Variants in SPIDR observed in about 807,000 individuals in gnomAD.
The protein encoded by SPIDR is scaffold protein involved in DNA repair, also known as DNA repair-scaffolding protein.
In SPIDR, 93 loss-of-function variants were observed where a neutral mutation model predicts 104.6. The observed-to-expected ratio is 0.89, with a 90% confidence interval of 0.75 to 1.06. The LOEUF (loss-of-function observed/expected upper bound fraction) is 1.06. Ranked by LOEUF, SPIDR falls within the 50% of genes least tolerant of loss-of-function variation. The pLI is 0.00. For synonymous variants in SPIDR, 431 were observed against 416.9 expected (o/e 1.03, Z -0.41); for missense variants, 1,154 against 1,111.2 (o/e 1.04, Z -0.55).
chr8:47,648,891 G>A (rs1010449058), intron 10 of SPIDR, among the ~76,000 whole-genome samples: 2 of 152,088 alleles, frequency 1.3e-5, no homozygotes, highest in South Asian at 4.1e-4. Flanking sequence ...TTAAGAAAAT[G>A]AATGAATTGG....
intron 5 of SPIDR, among the ~76,000 whole-genome samples, chr8:47,319,790 A>G (rs2046170619): frequency 6.6e-6 from 1 of 152,280 alleles, no homozygotes; most frequent in Non-Finnish European, 1.5e-5. Flanking sequence ...GGATTAAGAA[A>G]CTCACTCAAA....
At chr8:47,433,180 T>A (rs1209480625) in intron 7 of SPIDR, among the ~76,000 whole-genome samples, 1 of 152,176 alleles carries the variant, frequency 6.6e-6, no homozygotes, top group East Asian at 1.9e-4. Flanking sequence ...CTATTGGCTC[T>A]ACCTTCAAAG....
At chr8:47,554,096 G>T (rs967109746) in intron 8 of SPIDR, among the ~76,000 whole-genome samples, 2 of 152,264 alleles carry the variant, frequency 1.3e-5, no homozygotes, top group Admixed American at 6.5e-5. Flanking sequence ...GTTGCTGCCT[G>T]ATCCTTCCTC....
At chr8:47,514,146 T>C (rs1210203703) in intron 8 of SPIDR, among the ~76,000 whole-genome samples, 1 of 152,176 alleles carries the variant, frequency 6.6e-6, no homozygotes, top group Non-Finnish European at 1.5e-5. Flanking sequence ...AAAACTAGCA[T>C]TTGTTGCCTT....
intron 8 of SPIDR, among the ~76,000 whole-genome samples, chr8:47,591,912 T>C (rs550263926): frequency 1.3e-4 from 20 of 152,306 alleles, no homozygotes; most frequent in African/African-American, 4.8e-4. Context: ...GCACTGCTTT[T>C]AAACGTTTCA....
chr8:47,333,351 G>T (rs2049104407), intron 5 of SPIDR, among the ~76,000 whole-genome samples: 1 of 152,048 alleles, frequency 6.6e-6, no homozygotes, highest in Non-Finnish European at 1.5e-5. Context: ...ACCCAGTCTG[G>T]AATGCAGTGG....
chr8:47,280,346 G>A (rs2037490093), intron 2 of SPIDR, among the ~76,000 whole-genome samples: 2 of 150,846 alleles, frequency 1.3e-5, no homozygotes, highest in Non-Finnish European at 2.9e-5. Flanking sequence ...TCTTGCCTCA[G>A]CGTGTCAAAT....
intron 8 of SPIDR, among the ~76,000 whole-genome samples, chr8:47,509,840 C>T (rs138151406): frequency 2.0e-5 from 3 of 152,144 alleles, no homozygotes; most frequent in African/African-American, 7.2e-5. Context: ...TGTGTGCATG[C>T]GTATAATATG....
chr8:47,693,105 G>A (rs146025598), intron 11 of SPIDR, among the ~76,000 whole-genome samples: 1 of 152,144 alleles, frequency 6.6e-6, no homozygotes, highest in Non-Finnish European at 1.5e-5. Context: ...TGGGCTATTT[G>A]TTGCTGTCTG....
At chr8:47,421,888 A>T (rs2065540978) in intron 7 of SPIDR, among the ~76,000 whole-genome samples, 1 of 152,176 alleles carries the variant, frequency 6.6e-6, no homozygotes, top group South Asian at 2.1e-4. Context: ...CCAGACCCTG[A>T]TTGCCTGGGT....
intron 5 of SPIDR, among the ~76,000 whole-genome samples, chr8:47,298,075 C>A (rs1197283912): frequency 6.6e-6 from 1 of 152,194 alleles, no homozygotes; most frequent in African/African-American, 2.4e-5. Context: ...CTCCCACCAA[C>A]AGTGTAAAAG....
intron 5 of SPIDR, among the ~76,000 whole-genome samples, chr8:47,304,600 C>T (rs2042811639): frequency 6.6e-6 from 1 of 152,178 alleles, no homozygotes; most frequent in African/African-American, 2.4e-5. Flanking sequence ...TCCTCCTCCC[C>T]CTGCTTTCAC....
intron 1 of SPIDR, among the ~76,000 whole-genome samples, chr8:47,268,313 T>C (rs2034516401): frequency 6.6e-6 from 1 of 152,204 alleles, no homozygotes; most frequent in African/African-American, 2.4e-5. Flanking sequence ...TTTAACTGTT[T>C]TGGGTTCATT....
intron 8 of SPIDR, among the ~76,000 whole-genome samples, chr8:47,584,295 G>T (rs2060043595): frequency 6.6e-6 from 1 of 152,128 alleles, no homozygotes; most frequent in Non-Finnish European, 1.5e-5. Flanking sequence ...GGGGATAAAG[G>T]AGACTTGTGA....
intron 3 of SPIDR, 133 bp from the exon 4 acceptor site, chr8:47,290,900 A>T: frequency 1.8e-6 from 1 of 546,132 alleles, no homozygotes; most frequent in Non-Finnish European, 3.2e-6. Context: ...GGAAGATTTG[A>T]CATAGACATT....
At chr8:47,351,013 T>C (rs1379708779) in intron 5 of SPIDR, among the ~76,000 whole-genome samples, 1 of 152,236 alleles carries the variant, frequency 6.6e-6, no homozygotes, top group African/African-American at 2.4e-5. Context: ...CTGTCCATCC[T>C]GTAGATGCTC....
chr8:47,426,160 A>G (rs1325152044), intron 7 of SPIDR, among the ~76,000 whole-genome samples: 9 of 152,138 alleles, frequency 5.9e-5, no homozygotes, highest in Non-Finnish European at 1.5e-5. Flanking sequence ...AGGCTGAGGC[A>G]GGAGAGTCAC....
chr8:47,405,976 G>A (rs1464935643), intron 6 of SPIDR, among the ~76,000 whole-genome samples: 1 of 151,964 alleles, frequency 6.6e-6, no homozygotes, highest in Non-Finnish European at 1.5e-5. Context: ...TGTGTGTAGA[G>A]AGCGCCTGTG....
intron 10 of SPIDR, among the ~76,000 whole-genome samples, chr8:47,607,007 C>T (rs1017428605): frequency 1.3e-5 from 2 of 152,178 alleles, no homozygotes; most frequent in Admixed American, 1.3e-4. Context: ...TTTTATGTAC[C>T]ACCACATACT....
Sources: gnomAD v4.1 joint callset for allele counts (sites outside exome capture counted in the v4.1 genomes callset) on GRCh38, gnomAD v4.1.1 for gene constraint, MANE v1.5 for transcripts, NCBI Gene and HGNC (gene_info 2026-07-23, HGNC 2026-07-21) for gene names.